Variants in SH3RF3 observed in about 807,000 individuals in gnomAD.
The protein encoded by SH3RF3 is SH3 domain containing ring finger 3.
Under a neutral mutation model 66.3 loss-of-function variants are expected in SH3RF3, and 29 were observed. That is an observed-to-expected ratio of 0.44 (90% CI 0.33 to 0.60). The LOEUF (loss-of-function observed/expected upper bound fraction) is 0.60. SH3RF3 is among the 20% of genes least tolerant of loss of function. SH3RF3 has a pLI of 0.04. For synonymous variants in SH3RF3, 583 were observed against 532.0 expected, an observed-to-expected ratio of 1.10 and a Z score of -1.32; for missense variants, 1,194 against 1,190.9, an observed-to-expected ratio of 1.00 and a Z score of -0.04.
intron 1 of SH3RF3, among the ~76,000 whole-genome samples, chr2:109,261,940 T>C (rs896906563): frequency 6.6e-6 from 1 of 152,176 alleles, no homozygotes; most frequent in African/African-American, 2.4e-5. Context: ...AGATCTTTAC[T>C]GGATGTGTAG....
chr2:109,327,345 GTC>G (rs1433141317), intron 1 of SH3RF3, among the ~76,000 whole-genome samples: 2 of 152,186 alleles, frequency 1.3e-5, no homozygotes, highest in East Asian at 3.9e-4. Flanking sequence ...ACATGTTTGT[GTC>G]TGGACCCTCC....
intron 1 of SH3RF3, among the ~76,000 whole-genome samples, chr2:109,211,834 G>A (rs939660619): frequency 2.2e-4 from 33 of 152,058 alleles, no homozygotes; most frequent in Non-Finnish European, 5.9e-5. Context: ...GGAGAGACAG[G>A]GTTTCCCCAT....
rs113339189 is a variant in SH3RF3 at position 109,132,463 on chromosome 2, G to T, written c.573+2350G>T. Among the ~76,000 whole-genome samples the T allele has an allele frequency of 5.3e-3, 808 of 152,242 alleles. 6 individuals are homozygous for T. The highest frequency in any genetic ancestry group is 0.018 in the African/African-American group (753 of 41,526). ...ACCAGAGTACTTGGAGTCCCCTGAC[G>T]TGGTTAGCAGAACCTCTCAGCTCTG... On this transcript the variant is annotated intron_variant, in intron 1 of 9. Coordinates refer to ENST00000309415, the MANE Select transcript of SH3RF3 (RefSeq NM_001099289.3).
chr2:109,156,450 T>G (rs12475803), intron 1 of SH3RF3, among the ~76,000 whole-genome samples: 6 of 140,764 alleles, frequency 4.3e-5, no homozygotes, highest in Non-Finnish European at 3.1e-5. Context: ...AATTTTAAGG[T>G]TTTTTTTTTT....
chr2:109,343,515 C>T (rs952334430), intron 1 of SH3RF3, among the ~76,000 whole-genome samples: 1 of 152,208 alleles, frequency 6.6e-6, no homozygotes, highest in South Asian at 2.1e-4. Context: ...TCTCTGTCCC[C>T]TACCCTTCCC....
chr2:109,223,325 C>T (rs538531635), intron 1 of SH3RF3, among the ~76,000 whole-genome samples: 1 of 152,330 alleles, frequency 6.6e-6, no homozygotes, highest in East Asian at 1.9e-4. Context: ...GGTGTGTTTC[C>T]CAGAGCCGAC....
intron 1 of SH3RF3, among the ~76,000 whole-genome samples, chr2:109,270,744 G>A (rs1395718623): frequency 6.6e-6 from 1 of 152,212 alleles, no homozygotes; most frequent in Admixed American, 6.5e-5. Context: ...CTCCTCTTAT[G>A]TAGATTGACC....
At chr2:109,238,091 A>G (rs1178259832) in intron 1 of SH3RF3, among the ~76,000 whole-genome samples, 5 of 152,198 alleles carry the variant, frequency 3.3e-5, no homozygotes, top group Admixed American at 3.3e-4. Flanking sequence ...CTGTAATCCC[A>G]GGTGGAGCTG....
At chr2:109,233,532 A>T (rs1325409356) in intron 1 of SH3RF3, among the ~76,000 whole-genome samples, 1 of 152,156 alleles carries the variant, frequency 6.6e-6, no homozygotes, top group African/African-American at 2.4e-5. Context: ...GTGGTTTTGG[A>T]AAAAGCAACA....
intron 1 of SH3RF3, among the ~76,000 whole-genome samples, chr2:109,144,973 C>G (rs1677057880): frequency 1.3e-5 from 2 of 152,248 alleles, no homozygotes; most frequent in African/African-American, 2.4e-5. Flanking sequence ...GCAGCGGGCT[C>G]ACACCCGGCT....
intron 1 of SH3RF3, among the ~76,000 whole-genome samples, chr2:109,291,816 C>T (rs1031730321): frequency 1.3e-5 from 2 of 152,194 alleles, no homozygotes; most frequent in African/African-American, 4.8e-5. Context: ...CAAGGAGCAG[C>T]TCCAAACTGA....
At chr2:109,385,360 C>G (rs188738851) in intron 3 of SH3RF3, among the ~76,000 whole-genome samples, 1 of 152,364 alleles carries the variant, frequency 6.6e-6, no homozygotes, top group East Asian at 1.9e-4. Flanking sequence ...CCAGTGTCCC[C>G]TGAGTCACCT....
chr2:109,145,254 C>T (rs1032666774), intron 1 of SH3RF3, among the ~76,000 whole-genome samples: 1 of 152,184 alleles, frequency 6.6e-6, no homozygotes, highest in African/African-American at 2.4e-5. Flanking sequence ...TCCATCTGTG[C>T]CTGTGGCCCC....
At chr2:109,155,384 T>C (rs1471626652) in intron 1 of SH3RF3, among the ~76,000 whole-genome samples, 1 of 152,216 alleles carries the variant, frequency 6.6e-6, no homozygotes, top group Non-Finnish European at 1.5e-5. Context: ...CACTGCAAGC[T>C]CCGCCTCCTG....
intron 9 of SH3RF3, among the ~76,000 whole-genome samples, chr2:109,492,478 G>A (rs897422115): frequency 1.4e-4 from 22 of 152,188 alleles, no homozygotes; most frequent in South Asian, 2.1e-4. Flanking sequence ...CAGGGGTGAC[G>A]TTCAGAACAC....
chr2:109,473,852 A>C (rs1210851904), intron 8 of SH3RF3, among the ~76,000 whole-genome samples: 1 of 151,908 alleles, frequency 6.6e-6, no homozygotes, highest in Middle Eastern at 3.2e-3. Context: ...GGTGTCCCTG[A>C]ACCGCTCTCC....
chr2:109,358,495 G>A (rs1472444266), intron 2 of SH3RF3, among the ~76,000 whole-genome samples: 1 of 152,098 alleles, frequency 6.6e-6, no homozygotes, highest in Non-Finnish European at 1.5e-5. Flanking sequence ...AAAGTTGCTG[G>A]GCCATTTTGC....
chr2:109,240,594 G>T (rs953233405), intron 1 of SH3RF3, among the ~76,000 whole-genome samples: 1 of 152,148 alleles, frequency 6.6e-6, no homozygotes, highest in Non-Finnish European at 1.5e-5. Flanking sequence ...GGATAAATAG[G>T]TTTTTCATTG....
chr2:109,314,106 T>G (rs1031620388), intron 1 of SH3RF3, among the ~76,000 whole-genome samples: 3 of 151,808 alleles, frequency 2.0e-5, no homozygotes, highest in Non-Finnish European at 4.4e-5. Flanking sequence ...GGGGACACAG[T>G]AGCGGAAAGC....
Sources: gnomAD v4.1 joint callset for allele counts (sites outside exome capture counted in the v4.1 genomes callset) on GRCh38, gnomAD v4.1.1 for gene constraint, MANE v1.5 for transcripts, NCBI Gene and HGNC (gene_info 2026-07-23, HGNC 2026-07-21) for gene names.